The following RGSL1 variants were observed in gnomAD, a reference collection of about 807,000 sequenced individuals.
RGSL1 encodes the protein regulator of G protein signaling like 1.
RGSL1 carries 97 observed loss-of-function variants against 124.7 expected under a neutral mutation model. That is an observed-to-expected ratio of 0.78 (90% CI 0.66 to 0.92). RGSL1 has a LOEUF of 0.92. Ranked by LOEUF, RGSL1 falls within the 40% of genes least tolerant of loss-of-function variation. The pLI, the probability that RGSL1 is intolerant of heterozygous loss-of-function variation, is 0.00. For synonymous variants in RGSL1, 424 were observed against 438.1 expected, an observed-to-expected ratio of 0.97 and a Z score of 0.40; for missense variants, 1,233 against 1,288.4, an observed-to-expected ratio of 0.96 and a Z score of 0.66.
At chr1:182,483,674 C>T (rs1654879792) in intron 6 of RGSL1, among the ~76,000 whole-genome samples, 1 of 151,952 alleles carries the variant, frequency 6.6e-6, no homozygotes, top group South Asian at 2.1e-4. Flanking sequence ...TTCAGGGGTA[C>T]ATATGCAGGT....
At chr1:182,519,010 TG>T (rs573379745) in intron 9 of RGSL1, among the ~76,000 whole-genome samples, 142 of 147,360 alleles carry the variant, frequency 9.6e-4, no homozygotes, top group African/African-American at 1.6e-3. Context: ...TAGATTAAAA[TG>T]GGGGGGGGTA....
intron 15 of RGSL1, among the ~76,000 whole-genome samples, chr1:182,544,096 T>C (rs1405125459): frequency 6.6e-6 from 1 of 152,086 alleles, no homozygotes; most frequent in Non-Finnish European, 1.5e-5. Context: ...ATTAGGTTGT[T>C]TATTTGAAGT....
intron 15 of RGSL1, among the ~76,000 whole-genome samples, chr1:182,547,424 G>A (rs560139385): frequency 6.9e-4 from 105 of 152,264 alleles, no homozygotes; most frequent in Middle Eastern, 3.4e-3. Context: ...ACTAGTCAGA[G>A]TGAATAGCCT....
At position 182,556,656 on chromosome 1, in the gene RGSL1, G is replaced by A. The variant is rs759936507; in HGVS notation, c.*165+434G>A. Among the ~76,000 whole-genome samples the A allele has an allele frequency of 7.6e-4, 115 of 152,276 alleles. 1 individual carries two copies. Among genetic ancestry groups the A allele is most frequent in the Middle Eastern group, 3.4e-3 (1 of 294 alleles). On this transcript the variant is annotated intron_variant, in intron 21 of 21. Transcript: ENST00000294854. ...ATTTCTGATTTTTTGTCCTGTTCTT[G>A]TTCTATGCCAACCTTTTATGTAACT...
At chr1:182,540,781 G>A (rs767952323) in intron 15 of RGSL1, among the ~76,000 whole-genome samples, 1 of 152,204 alleles carries the variant, frequency 6.6e-6, no homozygotes, top group African/African-American at 2.4e-5. Flanking sequence ...TACAAATTGT[G>A]TGTGTGTCTG....
intron 6 of RGSL1, among the ~76,000 whole-genome samples, chr1:182,477,142 G>C (rs1654353277): frequency 1.3e-5 from 2 of 152,288 alleles, no homozygotes; most frequent in African/African-American, 4.8e-5. Context: ...GTTGGAGGTT[G>C]CACCACCCCA....
intron 4 of RGSL1, among the ~76,000 whole-genome samples, chr1:182,468,978 A>G (rs1230328014): frequency 6.6e-6 from 1 of 152,100 alleles, no homozygotes; most frequent in Non-Finnish European, 1.5e-5. Context: ...GTGCGAAATA[A>G]TGAAATTGGA....
Position 182,493,020 on chromosome 1 carries a change from A to C in RGSL1, c.1718-2A>C. ...CTATCTCTGTTTTTCCTTACTTCACAGACATAACTAAAATGTCCTTTGAGG... is the reference window on the plus strand; with the variant it reads ...CTATCTCTGTTTTTCCTTACTTCACCGACATAACTAAAATGTCCTTTGAGG... On this transcript the variant is annotated splice_acceptor_variant, in intron 8 of 21. Transcript: ENST00000294854. LOFTEE classifies it high-confidence loss of function. 6.5e-7 allele frequency: 1 copy of C among 1,542,442 alleles called. No homozygotes were observed. The highest frequency in any genetic ancestry group is 8.8e-7 in the Non-Finnish European group (1 of 1,138,436).
At chr1:182,511,798 G>A (rs1042357420) in intron 9 of RGSL1, among the ~76,000 whole-genome samples, 1 of 152,118 alleles carries the variant, frequency 6.6e-6, no homozygotes, top group East Asian at 1.9e-4. Context: ...TTGGTGTTTC[G>A]ATAGGATGAA....
chr1:182,525,304 A>T (rs1658660512), intron 10 of RGSL1, among the ~76,000 whole-genome samples: 1 of 152,120 alleles, frequency 6.6e-6, no homozygotes, highest in Non-Finnish European at 1.5e-5. Flanking sequence ...GTCAACAGAA[A>T]CTCTCTCTAG....
chr1:182,548,988 C>G, intron 17 of RGSL1, 164 bp downstream of exon 17: 1 of 802,792 alleles, frequency 1.2e-6, no homozygotes, highest in South Asian at 1.9e-5. Context: ...ATCCCTCACA[C>G]AGAACACCAA....
intron 9 of RGSL1, among the ~76,000 whole-genome samples, chr1:182,510,966 G>C (rs1657406939): frequency 6.6e-6 from 1 of 151,948 alleles, no homozygotes; most frequent in Admixed American, 6.6e-5. Context: ...TTGGTTGCTG[G>C]TGCTTTTTTT....
chr1:182,475,641 A>G (rs1328195994), intron 6 of RGSL1, among the ~76,000 whole-genome samples: 1 of 152,060 alleles, frequency 6.6e-6, no homozygotes. Flanking sequence ...ACAGTGATCT[A>G]GTTTGGAGGG....
chr1:182,527,544 T>C (rs1334540922), intron 10 of RGSL1, 35 bp from the exon 11 acceptor site: 2 of 1,506,274 alleles, frequency 1.3e-6, no homozygotes, highest in Non-Finnish European at 1.8e-6. Flanking sequence ...TCATCATTCC[T>C]TTCTCTCTAC....
At chr1:182,554,241 C>T (rs148279461) in intron 19 of RGSL1, among the ~76,000 whole-genome samples, 3 of 152,300 alleles carry the variant, frequency 2.0e-5, no homozygotes, top group Non-Finnish European at 4.4e-5. Flanking sequence ...CCCATTTGTA[C>T]GTGTTTCCTC....
chr1:182,534,710 C>A (rs1436501482), intron 14 of RGSL1, among the ~76,000 whole-genome samples: 1 of 151,914 alleles, frequency 6.6e-6, no homozygotes, highest in African/African-American at 2.4e-5. Context: ...ACCTGTAATC[C>A]CAGCTACTCG....
At chr1:182,457,741 C>T (rs1201601642) in intron 2 of RGSL1, among the ~76,000 whole-genome samples, 2 of 152,162 alleles carry the variant, frequency 1.3e-5, no homozygotes, top group African/African-American at 4.8e-5. Context: ...CATAGAAGTC[C>T]TTTCCCATCC....
chr1:182,481,248 TA>T (rs1654685765), intron 6 of RGSL1, among the ~76,000 whole-genome samples: 12 of 151,950 alleles, frequency 7.9e-5, no homozygotes, highest in African/African-American at 2.9e-4. Context: ...AATAAAATTA[TA>T]AATGAAAGAA....
intron 9 of RGSL1, among the ~76,000 whole-genome samples, chr1:182,502,400 A>C (rs1221864769): frequency 6.6e-6 from 1 of 151,914 alleles, no homozygotes; most frequent in Non-Finnish European, 1.5e-5. Context: ...ACATAATGAG[A>C]CCCTGTCTCT....
Sources: gnomAD v4.1 joint callset for allele counts (sites outside exome capture counted in the v4.1 genomes callset) on GRCh38, gnomAD v4.1.1 for gene constraint, MANE v1.5 for transcripts, NCBI Gene and HGNC (gene_info 2026-07-23, HGNC 2026-07-21) for gene names.